Variants in SUGCT observed in about 807,000 individuals in gnomAD.
The protein encoded by SUGCT is succinyl-CoA:glutarate-CoA transferase.
Under a neutral mutation model 55.0 loss-of-function variants are expected in SUGCT, and 41 were observed. The ratio of observed to expected loss-of-function variants is 0.74; its 90% confidence interval spans 0.58 to 0.97. The LOEUF is 0.97. Ranked by LOEUF, SUGCT falls within the 50% of genes least tolerant of loss-of-function variation. The pLI, the probability that SUGCT is intolerant of heterozygous loss-of-function variation, is 0.00. For synonymous variants in SUGCT, 187 were observed against 200.4 expected, an observed-to-expected ratio of 0.93 and a Z score of 0.56; for missense variants, 568 against 547.8, an observed-to-expected ratio of 1.04 and a Z score of -0.37.
intron 7 of SUGCT, among the ~76,000 whole-genome samples, chr7:40,271,672 C>G (rs1438252848): frequency 6.6e-6 from 1 of 152,162 alleles, no homozygotes; most frequent in Non-Finnish European, 1.5e-5. Context: ...TACCATTTCT[C>G]TGTTCTAGGA....
intron 1 of SUGCT, 136 bp downstream of exon 1, chr7:40,135,256 A>G (rs1480566287): frequency 1.9e-5 from 21 of 1,131,684 alleles, no homozygotes; most frequent in Non-Finnish European, 1.2e-6. Context: ...CCTCCCTGCA[A>G]CCCCGTTCCG....
chr7:40,670,784 A>G (rs1314173231), intron 12 of SUGCT, among the ~76,000 whole-genome samples: 2 of 152,150 alleles, frequency 1.3e-5, no homozygotes, highest in African/African-American at 4.8e-5. Flanking sequence ...AAAATTTTAA[A>G]ACTCCCCCAA....
intron 2 of SUGCT, 150 bp downstream of exon 2, chr7:40,181,148 A>G: frequency 1.5e-6 from 1 of 674,414 alleles, no homozygotes; most frequent in Non-Finnish European, 2.6e-6. Context: ...TAATATCATC[A>G]TTCTATGAGA....
intron 13 of SUGCT, among the ~76,000 whole-genome samples, chr7:40,770,556 T>C (rs572151100): frequency 1.7e-4 from 26 of 152,182 alleles, no homozygotes; most frequent in Non-Finnish European, 3.8e-4. Context: ...AGAAGGTTCC[T>C]GGAAGCTGTC....
At chr7:40,515,311 A>C (rs1207135235) in intron 12 of SUGCT, among the ~76,000 whole-genome samples, 1 of 152,220 alleles carries the variant, frequency 6.6e-6, no homozygotes, top group Non-Finnish European at 1.5e-5. Context: ...CCTTTTTACA[A>C]AAACAGCTTT....
chr7:40,826,700 T>A (rs892504738), intron 13 of SUGCT, among the ~76,000 whole-genome samples: 4 of 152,192 alleles, frequency 2.6e-5, no homozygotes. Flanking sequence ...CAGGGTTGTT[T>A]TTGAGTCACC....
intron 1 of SUGCT, among the ~76,000 whole-genome samples, chr7:40,150,723 G>A (rs1455088600): frequency 6.8e-6 from 1 of 146,200 alleles, no homozygotes; most frequent in Non-Finnish European, 1.5e-5. Flanking sequence ...GAATTCTGGG[G>A]AGACTGATTT....
the SUGCT span, among the ~76,000 whole-genome samples, chr7:40,894,663 A>G: frequency 1.3e-5 from 2 of 152,220 alleles, no homozygotes; most frequent in Non-Finnish European, 2.9e-5. Context: ...ATGAACAGAC[A>G]CTTTTCAAAA....
chr7:40,186,245 C>T (rs987343732), intron 3 of SUGCT, among the ~76,000 whole-genome samples: 4 of 144,814 alleles, frequency 2.8e-5, no homozygotes, highest in African/African-American at 1.0e-4. Flanking sequence ...CCCTTCTCCC[C>T]TTTCCTCCTC....
chr7:40,377,123 CCTTCCTCTTTCTTT>C (rs764022896), intron 9 of SUGCT, among the ~76,000 whole-genome samples: 2,023 of 17,588 alleles, frequency 0.12, 944 homozygotes, highest in South Asian at 0.26. Flanking sequence ...AAATTTTCAG[CCTTCCTCTTTCTTT>C]CTTTCTTTCT....
intron 12 of SUGCT, among the ~76,000 whole-genome samples, chr7:40,568,533 C>T (rs879604488): frequency 1.3e-5 from 2 of 152,152 alleles, no homozygotes; most frequent in Admixed American, 1.3e-4. Context: ...CCAGAGATTG[C>T]CTCTTTCCTG....
chr7:40,834,927 A>G (rs1219772431), intron 13 of SUGCT, among the ~76,000 whole-genome samples: 1 of 152,186 alleles, frequency 6.6e-6, no homozygotes, highest in Non-Finnish European at 1.5e-5. Context: ...ATATGAATCC[A>G]TCGATGTGTC....
chr7:40,691,944 C>A (rs1437536267), intron 12 of SUGCT, among the ~76,000 whole-genome samples: 2 of 152,096 alleles, frequency 1.3e-5, no homozygotes, highest in Non-Finnish European at 2.9e-5. Context: ...TCATTGGATT[C>A]TTATTGAAAT....
chr7:40,269,590 T>G (rs974000797), intron 7 of SUGCT, among the ~76,000 whole-genome samples: 3 of 152,180 alleles, frequency 2.0e-5, no homozygotes, highest in Admixed American at 2.0e-4. Flanking sequence ...CCCAAAGTGC[T>G]GGGATCACAG....
intron 12 of SUGCT, among the ~76,000 whole-genome samples, chr7:40,544,357 G>A (rs1421359823): frequency 6.6e-6 from 1 of 152,096 alleles, no homozygotes; most frequent in African/African-American, 2.4e-5. Context: ...GGGTGTGTGA[G>A]CAAAGGAGAG....
intron 11 of SUGCT, among the ~76,000 whole-genome samples, chr7:40,490,914 T>C (rs1791643422): frequency 1.3e-5 from 2 of 152,226 alleles, no homozygotes; most frequent in African/African-American, 4.8e-5. Context: ...GAGGAGATGC[T>C]GTGCTATTCC....
intron 12 of SUGCT, among the ~76,000 whole-genome samples, chr7:40,596,373 C>G (rs1003833848): frequency 6.6e-6 from 1 of 152,150 alleles, no homozygotes; most frequent in African/African-American, 2.4e-5. Context: ...AAGGACCAGA[C>G]AGCCACAGAT....
At chr7:40,329,778 C>G (rs566544217) in intron 9 of SUGCT, among the ~76,000 whole-genome samples, 1 of 152,242 alleles carries the variant, frequency 6.6e-6, no homozygotes, top group South Asian at 2.1e-4. Context: ...GGTAATGGGA[C>G]AGGATTTTTC....
intron 6 of SUGCT, among the ~76,000 whole-genome samples, chr7:40,230,692 G>T (rs571298615): frequency 1.2e-4 from 19 of 152,320 alleles, no homozygotes; most frequent in African/African-American, 3.6e-4. Context: ...GTCTGGGTTG[G>T]TGGCATATGA....
Sources: gnomAD v4.1 joint callset for allele counts (sites outside exome capture counted in the v4.1 genomes callset) on GRCh38, gnomAD v4.1.1 for gene constraint, MANE v1.5 for transcripts, NCBI Gene and HGNC (gene_info 2026-07-23, HGNC 2026-07-21) for gene names.